ATP2C2: variants seen among roughly 807,000 people sequenced by gnomAD.
The protein encoded by ATP2C2 is calcium-transporting ATPase type 2C member 2.
Under a neutral mutation model 110.8 loss-of-function variants are expected in ATP2C2, and 171 were observed. The ratio of observed to expected loss-of-function variants is 1.54; its 90% CI spans 1.36 to 1.75. The LOEUF (loss-of-function observed/expected upper bound fraction) is 1.75. ATP2C2 is among the 40% of genes most tolerant of loss of function. The probability of loss-of-function intolerance (pLI) is 0.00; values close to 1 mark genes in which losing one functional copy is unlikely to be tolerated. For synonymous variants in ATP2C2, 804 were observed against 508.4 expected, an observed-to-expected ratio of 1.58 and a Z score of -7.82; for missense variants, 1,963 against 1,235.0, an observed-to-expected ratio of 1.59 and a Z score of -8.84.
chr16:84,463,874 C>A lies in ATP2C2; in HGVS notation c.*142C>A. The A allele has an allele frequency of 1.3e-6, 1 of 760,344 alleles. No individual in the cohort carries two copies. The highest frequency in any genetic ancestry group is 2.2e-6 in the Non-Finnish European group (1 of 461,254). 47.1% of individuals were successfully genotyped at this position (760,344 alleles called of 1,614,324 possible). A position where few individuals can be genotyped will look rare whatever the true frequency, so the allele number is the denominator to read the frequency against. On this transcript the variant is annotated 3_prime_UTR_variant, in exon 27 of 27. Transcript: ENST00000262429. ...TCAGTTTTTCCTCTTAGGAAAGCTG[C>A]AGGAACCTCGTGGGCTCCAGGGACC...
intron 16 of ATP2C2, among the ~76,000 whole-genome samples, chr16:84,447,315 T>G (rs1313597514): frequency 2.0e-5 from 3 of 152,148 alleles, no homozygotes; most frequent in Admixed American, 1.3e-4. Flanking sequence ...TCAAAAAACT[T>G]TTAGACCTTT....
chr16:84,390,064 G>A (rs897079387), intron 1 of ATP2C2, among the ~76,000 whole-genome samples: 3 of 152,204 alleles, frequency 2.0e-5, no homozygotes, highest in African/African-American at 7.2e-5. Context: ...GACCCCGGCT[G>A]TTATACCCTT....
intron 11 of ATP2C2, among the ~76,000 whole-genome samples, chr16:84,429,185 C>G (rs1908046787): frequency 6.6e-6 from 1 of 152,082 alleles, no homozygotes. Context: ...GAGTTTCACT[C>G]TTGTCGCCCA....
chr16:84,459,856 C>T (rs980797098), intron 23 of ATP2C2: 2 of 394,634 alleles, frequency 5.1e-6, no homozygotes, highest in African/African-American at 2.0e-5. Context: ...TGTTTCATCC[C>T]TGATGTCTAG....
At chr16:84,455,206 G>A (rs1910686983) in intron 21 of ATP2C2, among the ~76,000 whole-genome samples, 1 of 152,086 alleles carries the variant, frequency 6.6e-6, no homozygotes, top group Non-Finnish European at 1.5e-5. Context: ...CTAGTCACAT[G>A]CTGCCCCCAG....
At chr16:84,435,645 G>A (rs796792785) in intron 11 of ATP2C2, among the ~76,000 whole-genome samples, 2 of 152,266 alleles carry the variant, frequency 1.3e-5, no homozygotes, top group African/African-American at 4.8e-5. Flanking sequence ...GGGTAACAGA[G>A]TGAGACCTTG....
At chr16:84,416,812 G>A (rs996876620) in intron 7 of ATP2C2, among the ~76,000 whole-genome samples, 2 of 152,216 alleles carry the variant, frequency 1.3e-5, no homozygotes, top group Non-Finnish European at 2.9e-5. Context: ...CAAGTCTGGG[G>A]TGCATGGATC....
At position 84,454,793 on chromosome 16, in the gene ATP2C2, C is replaced by T. The variant is rs768313011; in HGVS notation, c.1981-25C>T. ...TGGGAGGTGGTCGTCAGGCTGCAGG[C>T]CTTCATTGCCTGCTCTTTCCAAAGG... On this transcript the variant is annotated intron_variant, in intron 20 of 26. Transcript: ENST00000262429. The T allele has an allele frequency of 3.1e-5, 49 of 1,559,000 alleles. No individual in the cohort carries two copies. In the East Asian group the frequency reaches 8.3e-4, roughly 27 times the overall value.
chr16:84,442,689 G>A, intron 15 of ATP2C2, 90 bp downstream of exon 15: 4 of 1,272,696 alleles, frequency 3.1e-6, no homozygotes, highest in Non-Finnish European at 3.4e-6. Flanking sequence ...GAGCTAACAG[G>A]AGTGGGGACG....
chr16:84,391,233 C>G (rs1904645477), intron 1 of ATP2C2, among the ~76,000 whole-genome samples: 1 of 152,080 alleles, frequency 6.6e-6, no homozygotes, highest in Non-Finnish European at 1.5e-5. Context: ...GCGCCACTCT[C>G]ATTACAAAAG....
In ATP2C2 at chr16:84,439,465, C is replaced by G; in HGVS notation, c.1150C>G (p.Leu384Val). The change falls in exon 13 of 27, where the codon CTG (leucine) becomes GTG (valine). Residue 384 changes from leucine to valine, a missense_variant. Transcript: ENST00000262429. ...SVLCSDKTGTLTANEMTVTQL... is the reference protein window; with the variant it reads ...SVLCSDKTGTVTANEMTVTQL... ...TCTCTGTTCTGACAAGACGGGGACT[C>G]TGACTGCCAATGAAATGACAGTGAC... is the stretch of plus-strand genomic sequence containing the variant. The G allele has an allele frequency of 6.2e-7, 1 of 1,614,132 alleles. No homozygotes were observed. Among genetic ancestry groups the G allele is most frequent in the Non-Finnish European group, 8.5e-7 (1 of 1,180,032 alleles).
At chr16:84,444,317 A>G (rs1909550880) in intron 15 of ATP2C2, among the ~76,000 whole-genome samples, 1 of 151,638 alleles carries the variant, frequency 6.6e-6, no homozygotes, top group African/African-American at 2.4e-5. Flanking sequence ...TACTAAAAAT[A>G]TAAAAATTAG....
At chr16:84,381,626 C>G (rs1159679043) in intron 1 of ATP2C2, among the ~76,000 whole-genome samples, 1 of 152,114 alleles carries the variant, frequency 6.6e-6, no homozygotes, top group Non-Finnish European at 1.5e-5. Flanking sequence ...ACATAAGTGT[C>G]TTTTCCCTCA....
At chr16:84,374,026 C>T (rs182571332) in intron 1 of ATP2C2, among the ~76,000 whole-genome samples, 3 of 152,294 alleles carry the variant, frequency 2.0e-5, no homozygotes, top group East Asian at 3.9e-4. Context: ...ATCTGATAAC[C>T]GTAGAACTGG....
At chr16:84,447,835 CTG>C (rs1419884626) in intron 16 of ATP2C2, among the ~76,000 whole-genome samples, 5 of 119,500 alleles carry the variant, frequency 4.2e-5, no homozygotes, top group Admixed American at 1.9e-4. Context: ...GTATTAACAT[CTG>C]TAATTAATAT....
intron 11 of ATP2C2, among the ~76,000 whole-genome samples, chr16:84,437,773 C>T (rs985187278): frequency 1.3e-5 from 2 of 152,254 alleles, no homozygotes; most frequent in Non-Finnish European, 2.9e-5. Context: ...ACCTGGGCCT[C>T]CCAAAGTGCT....
chr16:84,390,774 T>A (rs1904609407), intron 1 of ATP2C2, among the ~76,000 whole-genome samples: 1 of 152,154 alleles, frequency 6.6e-6, no homozygotes, highest in African/African-American at 2.4e-5. Context: ...GTTAATTTTT[T>A]GTTATGTGGA....
intron 10 of ATP2C2, 68 bp downstream of exon 10, chr16:84,423,331 C>A: frequency 6.9e-7 from 1 of 1,453,186 alleles, no homozygotes; most frequent in South Asian, 1.2e-5. Flanking sequence ...GGGGGGTTGC[C>A]ATGGCCGTTT....
chr16:84,459,458 T>C (rs770867200), intron 23 of ATP2C2, 72 bp downstream of exon 23: 138 of 1,604,080 alleles, frequency 8.6e-5, no homozygotes, highest in Non-Finnish European at 1.2e-4. Flanking sequence ...GGCTGCTGGC[T>C]GTGCCCCAAG....
Sources: allele counts gnomAD v4.1 joint callset (sites outside exome capture counted in the v4.1 genomes callset), GRCh38; gene constraint gnomAD v4.1.1; transcripts MANE v1.5; gene names NCBI Gene and HGNC (gene_info 2026-07-23, HGNC 2026-07-21).